Variants in SMG6 observed in about 807,000 individuals in gnomAD.
SMG6 encodes the protein SMG6 nonsense mediated mRNA decay factor, also known as telomerase-binding protein EST1A.
A neutral mutation model predicts 142.2 loss-of-function variants in SMG6; 66 were observed. The observed-to-expected ratio is 0.46, with a 90% CI of 0.38 to 0.57. SMG6 has a LOEUF of 0.57. Ranked by LOEUF, SMG6 falls within the 20% of genes least tolerant of loss-of-function variation. The pLI, the probability that SMG6 is intolerant of heterozygous loss-of-function variation, is 0.00. For missense variants in SMG6, 1,793 were observed against 1,832.0 expected (o/e 0.98, Z 0.39); for synonymous variants, 779 against 702.4 (o/e 1.11, Z -1.72).
chr17:2,070,370 C>T (rs548520408), intron 15 of SMG6, among the ~76,000 whole-genome samples: 1 of 152,334 alleles, frequency 6.6e-6, no homozygotes, highest in East Asian at 1.9e-4. Context: ...GGCACCCACA[C>T]AAACCTGGCG....
chr17:2,186,150 C>G (rs552820303), intron 12 of SMG6, among the ~76,000 whole-genome samples: 81 of 151,518 alleles, frequency 5.3e-4, no homozygotes, highest in African/African-American at 1.9e-3. Flanking sequence ...ATCACATGAG[C>G]TGGGAGGTGG....
intron 3 of SMG6, 101 bp downstream of exon 3, chr17:2,297,762 C>T (rs542588637): frequency 1.4e-5 from 19 of 1,370,532 alleles, no homozygotes; most frequent in African/African-American, 1.3e-4. Flanking sequence ...GTTTTTTTGT[C>T]GATATTCTGT....
At chr17:2,200,980 C>T (rs1050990012) in intron 10 of SMG6, among the ~76,000 whole-genome samples, 2 of 152,142 alleles carry the variant, frequency 1.3e-5, no homozygotes, top group South Asian at 2.1e-4. Flanking sequence ...TGATAAATAG[C>T]CCCTTTGCCA....
intron 13 of SMG6, chr17:2,087,185 AAG>A: frequency 2.3e-6 from 3 of 1,290,496 alleles, no homozygotes; most frequent in Non-Finnish European, 3.0e-6. Context: ...CGTCACTGGC[AAG>A]AATTGTAAGG....
At chr17:2,146,602 G>A (rs1012286769) in intron 13 of SMG6, among the ~76,000 whole-genome samples, 17 of 152,142 alleles carry the variant, frequency 1.1e-4, no homozygotes, top group Admixed American at 1.0e-3. Context: ...GTGCGGTGGC[G>A]TGATCTCAGC....
chr17:2,283,094 C>T (rs1010431187), intron 7 of SMG6, among the ~76,000 whole-genome samples: 1 of 152,226 alleles, frequency 6.6e-6, no homozygotes, highest in East Asian at 1.9e-4. Context: ...CACTTAAATC[C>T]GGGAGGCAGA....
chr17:2,256,764 G>C (rs991333950), intron 8 of SMG6, among the ~76,000 whole-genome samples: 1 of 138,612 alleles, frequency 7.2e-6, no homozygotes, highest in Non-Finnish European at 1.6e-5. Context: ...GACACAGTGA[G>C]ACTTAATTTT....
chr17:2,220,056 G>A (rs1046512500), intron 10 of SMG6, among the ~76,000 whole-genome samples: 1 of 151,918 alleles, frequency 6.6e-6, no homozygotes, highest in African/African-American at 2.4e-5. Flanking sequence ...CAAGTAGCTG[G>A]GACTACAGAC....
chr17:2,075,157 G>A (rs898479608), intron 15 of SMG6, among the ~76,000 whole-genome samples: 1 of 152,168 alleles, frequency 6.6e-6, no homozygotes, highest in Non-Finnish European at 1.5e-5. Context: ...TCTGCCTTCC[G>A]CCAGCTTCCA....
rs1035612371 is a variant in SMG6, at chr17:2,119,522, C to T, written c.3358-33621G>A. On this transcript the variant is annotated intron_variant, in intron 13 of 18. Coordinates refer to ENST00000263073, the MANE Select transcript of SMG6 (RefSeq NM_017575.5). ...AATTATTTATTATTATTATTTGAGA[C>T]GGAGTCTTGCTCTGTTGCCCAGGCC... Among the ~76,000 whole-genome samples the T allele has an allele frequency of 5.3e-5, 8 of 151,988 alleles. No homozygotes were observed. The South Asian group carries it at 6.2e-4, about 12-fold the overall frequency.
At chr17:2,159,328 G>A (rs192611495) in intron 13 of SMG6, among the ~76,000 whole-genome samples, 1 of 152,280 alleles carries the variant, frequency 6.6e-6, no homozygotes, top group Admixed American at 6.5e-5. Flanking sequence ...TACTTGAGAG[G>A]CTGAGGTAGG....
chr17:2,087,260 ACCACAGAGAG>A, intron 13 of SMG6: 1 of 1,285,806 alleles, frequency 7.8e-7, no homozygotes, highest in African/African-American at 1.5e-5. Flanking sequence ...TCGGCTGGGT[ACCACAGAGAG>A]CAGATGAAGC....
intron 8 of SMG6, among the ~76,000 whole-genome samples, chr17:2,281,658 C>T (rs1009386986): frequency 6.6e-6 from 1 of 152,196 alleles, no homozygotes; most frequent in African/African-American, 2.4e-5. Flanking sequence ...TTCTGAAGAG[C>T]AGATGTTATT....
intron 1 of SMG6, among the ~76,000 whole-genome samples, chr17:2,301,539 C>G (rs2075276296): frequency 6.6e-6 from 1 of 152,188 alleles, no homozygotes; most frequent in South Asian, 2.1e-4. Context: ...AAGAATAATA[C>G]AGGACTTTAG....
chr17:2,131,457 C>T (rs1249193106), intron 13 of SMG6, among the ~76,000 whole-genome samples: 1 of 152,046 alleles, frequency 6.6e-6, no homozygotes, highest in Non-Finnish European at 1.5e-5. Context: ...CCACCATGCC[C>T]AGCTAACTTT....
At chr17:2,167,163 A>C (rs1451337104) in intron 13 of SMG6, among the ~76,000 whole-genome samples, 1 of 140,672 alleles carries the variant, frequency 7.1e-6, no homozygotes, top group African/African-American at 2.8e-5. Context: ...AAAAGATATA[A>C]AGGGACTGAC....
At chr17:2,108,101 C>T (rs2069203316) in intron 13 of SMG6, among the ~76,000 whole-genome samples, 1 of 151,814 alleles carries the variant, frequency 6.6e-6, no homozygotes, top group Non-Finnish European at 1.5e-5. Context: ...ACATCCAATG[C>T]CTCAAAATAA....
intron 13 of SMG6, among the ~76,000 whole-genome samples, chr17:2,104,843 C>T (rs1490258412): frequency 6.6e-6 from 1 of 152,042 alleles, no homozygotes; most frequent in Non-Finnish European, 1.5e-5. Flanking sequence ...GTGCTCAGTT[C>T]ATTATATTAT....
At chr17:2,113,191 T>C (rs763991700) in intron 13 of SMG6, among the ~76,000 whole-genome samples, 3 of 151,848 alleles carry the variant, frequency 2.0e-5, no homozygotes, top group Non-Finnish European at 2.9e-5. Context: ...GACTTCAGCC[T>C]CCTGATTAGT....
Sources: gnomAD v4.1 joint callset for allele counts (sites outside exome capture counted in the v4.1 genomes callset) on GRCh38, gnomAD v4.1.1 for gene constraint, MANE v1.5 for transcripts, NCBI Gene and HGNC (gene_info 2026-07-23, HGNC 2026-07-21) for gene names.